Variants in NPHP4 observed in about 807,000 individuals in gnomAD.
The protein encoded by NPHP4 is nephrocystin 4, also known as nephrocystin-4.
Under a neutral mutation model 155.8 loss-of-function variants are expected in NPHP4, and 151 were observed. The ratio of observed to expected loss-of-function variants is 0.97; its 90% CI spans 0.85 to 1.11. The LOEUF is 1.11. Ranked by LOEUF, NPHP4 falls within the 50% of genes least tolerant of loss-of-function variation. NPHP4 has a pLI of 0.00. For synonymous variants in NPHP4, 845 were observed against 816.8 expected, an observed-to-expected ratio of 1.03 and a Z score of -0.59; for missense variants, 1,956 against 1,925.7, an observed-to-expected ratio of 1.02 and a Z score of -0.29.
intron 16 of NPHP4, among the ~76,000 whole-genome samples, chr1:5,896,196 G>T (rs1032828978): frequency 6.6e-6 from 1 of 152,232 alleles, no homozygotes; most frequent in Admixed American, 6.5e-5. Context: ...AGGGGGAGGA[G>T]CCCACAGGGA....
intron 3 of NPHP4, among the ~76,000 whole-genome samples, chr1:5,972,078 G>A (rs1447859204): frequency 6.6e-6 from 1 of 152,272 alleles, no homozygotes; most frequent in Non-Finnish European, 1.5e-5. Context: ...TGGATGAAGA[G>A]GCCGCAGCCG....
chr1:5,949,285 T>C (rs1647425901), intron 7 of NPHP4, among the ~76,000 whole-genome samples: 1 of 150,918 alleles, frequency 6.6e-6, no homozygotes, highest in African/African-American at 2.4e-5. Context: ...CCATATTATG[T>C]AGAACTGCAT....
At chr1:5,873,473 A>C in intron 22 of NPHP4, 138 bp from the exon 23 acceptor site, 1 of 698,244 alleles carries the variant, frequency 1.4e-6, no homozygotes, top group Non-Finnish European at 2.6e-6. Context: ...AGCAACCATC[A>C]CCAACCGGCC....
chr1:5,868,845 C>T (rs560818694), intron 23 of NPHP4, among the ~76,000 whole-genome samples: 148 of 141,442 alleles, frequency 1.0e-3, no homozygotes, highest in African/African-American at 3.6e-3. Context: ...CACCCACACA[C>T]GCATGCACAC....
intron 9 of NPHP4, among the ~76,000 whole-genome samples, chr1:5,933,546 C>T (rs1424367891): frequency 6.6e-6 from 1 of 152,182 alleles, no homozygotes; most frequent in Non-Finnish European, 1.5e-5. Context: ...AGTTACATGA[C>T]CCCACCGACC....
Position 5,865,106 on chromosome 1 carries a change from A to G in NPHP4, c.3812T>C (p.Leu1271Pro), listed in dbSNP as rs778642094. Residue 1271 changes from leucine (L) to proline (P), a missense_variant, in exon 27 of 30, where the codon CTG becomes CCG. Coordinates refer to ENST00000378156, the MANE Select transcript of NPHP4 (RefSeq NM_015102.5). ...VRAFTSHPQE[L>P]KTDPKGVFVL... Reference sequence around the variant, plus strand: ...CAGCCCCCAGAGAGGCCGTACCTTCAGCTCCTGGGGATGAGAGGTGAAAGC... The same window carrying G: ...CAGCCCCCAGAGAGGCCGTACCTTCGGCTCCTGGGGATGAGAGGTGAAAGC... 12 of 1,613,434 alleles carry G rather than the reference A, an allele frequency of 7.4e-6. No individual in the cohort carries two copies. The highest frequency in any genetic ancestry group is 1.0e-5 in the Non-Finnish European group (12 of 1,179,718).
chr1:5,923,420 CA>C (rs1645844949), intron 11 of NPHP4, among the ~76,000 whole-genome samples: 1 of 152,216 alleles, frequency 6.6e-6, no homozygotes, highest in Non-Finnish European at 1.5e-5. Flanking sequence ...TTACTGTGTT[CA>C]GTGAGTTTGC....
At chr1:5,964,542 C>G (rs1387595445) in intron 5 of NPHP4, among the ~76,000 whole-genome samples, 1 of 152,162 alleles carries the variant, frequency 6.6e-6, no homozygotes, top group Admixed American at 6.6e-5. Flanking sequence ...CCTGGAGAAG[C>G]ATGTTATGAT....
At chr1:5,876,757 T>C (rs572236442) in intron 20 of NPHP4, 24 of 270,396 alleles carry the variant, frequency 8.9e-5, no homozygotes, top group African/African-American at 5.0e-4. Context: ...CCAGGATATG[T>C]CAGTTGTTCA....
At chr1:5,954,770 G>GT (rs1557826453) in intron 6 of NPHP4, among the ~76,000 whole-genome samples, 1 of 152,160 alleles carries the variant, frequency 6.6e-6, no homozygotes, top group Non-Finnish European at 1.5e-5. Context: ...GAAGTGCTTC[G>GT]TAACACTGGG....
chr1:5,978,767 G>A (rs1557881276), intron 2 of NPHP4, among the ~76,000 whole-genome samples: 1 of 152,124 alleles, frequency 6.6e-6, no homozygotes, highest in African/African-American at 2.4e-5. Context: ...CAAGTCCAGG[G>A]GACATCACCT....
intron 6 of NPHP4, among the ~76,000 whole-genome samples, chr1:5,960,185 G>A (rs1042494820): frequency 6.6e-6 from 1 of 152,172 alleles, no homozygotes; most frequent in African/African-American, 2.4e-5. Context: ...ACCCCGAAGT[G>A]GGCGTGGAGA....
chr1:5,886,884 G>A (rs1030928270), intron 18 of NPHP4: 13 of 174,644 alleles, frequency 7.4e-5, no homozygotes, highest in South Asian at 1.7e-4. Flanking sequence ...GAAGAAATGC[G>A]CCTCTTCACT....
chr1:5,876,485 T>C, intron 20 of NPHP4: 1 of 152,430 alleles, frequency 6.6e-6, no homozygotes, highest in Non-Finnish European at 1.5e-5. Context: ...ACCAACGCCT[T>C]GCTGGCAGGG....
At chr1:5,863,599 G>C (rs774879306) in intron 29 of NPHP4, 194 bp from the exon 30 acceptor site, 46 of 660,476 alleles carry the variant, frequency 7.0e-5, no homozygotes, top group Admixed American at 1.1e-4. Context: ...CCAGTGTGAC[G>C]CGTTACTTGG....
chr1:5,865,322 C>T (rs773429858), intron 26 of NPHP4, 49 bp from the exon 27 acceptor site: 64 of 1,457,612 alleles, frequency 4.4e-5, no homozygotes, highest in South Asian at 1.9e-4. Context: ...GACTCAGCAC[C>T]GGCCCACGAG....
At chr1:5,950,402 T>C (rs1268070583) in intron 7 of NPHP4, among the ~76,000 whole-genome samples, 2 of 152,168 alleles carry the variant, frequency 1.3e-5, no homozygotes, top group African/African-American at 4.8e-5. Flanking sequence ...CCCCAGGAGC[T>C]ATGGCCGAGT....
Position 5,864,897 on chromosome 1 carries a change from G to A in NPHP4, c.3816+205C>T. On this transcript the variant is annotated intron_variant, in intron 27 of 29. Coordinates refer to ENST00000378156, the MANE Select transcript of NPHP4 (RefSeq NM_015102.5). ...CAGGAATTCTGAACACCGGCCTTTG[G>A]GGTTGGTGTGTACGTCACTCACCCC... 1.7e-5 allele frequency: 10 copies of A among 578,004 alleles called. No homozygotes were observed. In the South Asian group the frequency reaches 2.3e-4, roughly 13 times the overall value. The allele number at this position is 578,004 out of a possible 1,614,324, so 35.8% of individuals were successfully genotyped here. A position where few individuals can be genotyped will look rare whatever the true frequency, so the allele number is the denominator to read the frequency against.
chr1:5,901,404 C>G (rs1177937249), intron 16 of NPHP4, among the ~76,000 whole-genome samples: 1 of 152,214 alleles, frequency 6.6e-6, no homozygotes, highest in Non-Finnish European at 1.5e-5. Context: ...CCCAGACCTG[C>G]CCAGGCAGAG....
Sources: allele counts gnomAD v4.1 joint callset (sites outside exome capture counted in the v4.1 genomes callset), GRCh38; gene constraint gnomAD v4.1.1; transcripts MANE v1.5; gene names NCBI Gene and HGNC (gene_info 2026-07-23, HGNC 2026-07-21).